Variants in LIN9 observed in about 807,000 individuals in gnomAD.
The protein encoded by LIN9 is protein lin-9 homolog.
A neutral mutation model predicts 78.0 loss-of-function variants in LIN9; 18 were observed. That is an observed-to-expected ratio of 0.23 (90% CI 0.16 to 0.34). The LOEUF is 0.34. Ranked by LOEUF, LIN9 falls within the 10% of genes least tolerant of loss-of-function variation. LIN9 has a pLI of 1.00. For synonymous variants in LIN9, 192 were observed against 215.2 expected (o/e 0.89, Z 0.94); for missense variants, 451 against 644.1 (o/e 0.70, Z 3.25).
chr1:226,303,386 G>A (rs543891897), intron 1 of LIN9, among the ~76,000 whole-genome samples: 4 of 152,034 alleles, frequency 2.6e-5, no homozygotes, highest in African/African-American at 9.6e-5. Context: ...AAATAAAGCA[G>A]AAGAAGAAGA....
intron 1 of LIN9, among the ~76,000 whole-genome samples, chr1:226,306,582 T>C (rs939046343): frequency 2.0e-5 from 3 of 152,166 alleles, no homozygotes; most frequent in Admixed American, 2.0e-4. Context: ...TTTCCTTATA[T>C]AAAATGTGAG....
At chr1:226,247,241 T>G (rs1658540570) in intron 11 of LIN9, among the ~76,000 whole-genome samples, 1 of 152,138 alleles carries the variant, frequency 6.6e-6, no homozygotes, top group African/African-American at 2.4e-5. Context: ...GTCTCATCTC[T>G]TTTAACAAAT....
intron 1 of LIN9, among the ~76,000 whole-genome samples, chr1:226,302,514 T>G (rs1252779425): frequency 7.2e-6 from 1 of 138,654 alleles, no homozygotes; most frequent in Non-Finnish European, 1.5e-5. Flanking sequence ...CTGCACTCCA[T>G]CCAGCCTGGG....
chr1:226,295,742 A>G, intron 4 of LIN9, 100 bp downstream of exon 4: 1 of 705,194 alleles, frequency 1.4e-6, no homozygotes, highest in Non-Finnish European at 2.4e-6. Flanking sequence ...ATTTAAAGAA[A>G]AGAACTTGTT....
intron 11 of LIN9, among the ~76,000 whole-genome samples, chr1:226,244,103 T>C (rs1262606334): frequency 6.7e-6 from 1 of 148,694 alleles, no homozygotes; most frequent in Non-Finnish European, 1.5e-5. Flanking sequence ...CTCGAACTCC[T>C]GACCTCAAGT....
chr1:226,237,548 C>CT (rs1211479161), intron 12 of LIN9, among the ~76,000 whole-genome samples: 1 of 149,800 alleles, frequency 6.7e-6, no homozygotes, highest in Admixed American at 6.8e-5. Context: ...AGGAGAATCA[C>CT]TTGAACCTGG....
intron 8 of LIN9, among the ~76,000 whole-genome samples, chr1:226,267,176 T>C (rs891521482): frequency 6.6e-6 from 1 of 151,278 alleles, no homozygotes; most frequent in African/African-American, 2.4e-5. Flanking sequence ...TCTAATTTTC[T>C]TTCTCTCCTA....
rs1336410545 is a variant in LIN9 at position 226,231,439 on chromosome 1, A to G, written c.*1062T>C. 1 of 152,528 alleles carries G rather than the reference A, an allele frequency of 6.6e-6. No homozygotes were observed. The highest frequency in any genetic ancestry group is 2.4e-5 in the African/African-American group (1 of 41,442). 9.4% of individuals were successfully genotyped at this position (152,528 alleles called of 1,614,324 possible). A position where few individuals can be genotyped will look rare whatever the true frequency, so the allele number is the denominator to read the frequency against. On this transcript the variant is annotated 3_prime_UTR_variant, in exon 15 of 15. Transcript: ENST00000681046. ...CCTCTACAGCTATATCTTAAACTCC[A>G]AATTTGAAAAAAATTTATATTTTGA...
In LIN9 at chr1:226,238,879, A is replaced by T. The variant is rs1657914896; in HGVS notation, c.1245+92T>A. 1.3e-5 allele frequency: 16 copies of T among 1,269,100 alleles called. No homozygotes were observed. The South Asian group carries it at 2.1e-4, about 17-fold the overall frequency. The allele number at this position is 1,269,100 out of a possible 1,614,324, so 78.6% of individuals were successfully genotyped here. ...AGTTCTGCTAAAGGACTTTATGAAG[A>T]TATTGGCTTGGTATGGATTTTCTAA... On this transcript the variant is annotated intron_variant, in intron 12 of 14. Coordinates refer to ENST00000681046, the MANE Select transcript of LIN9 (RefSeq NM_001366245.2).
At chr1:226,240,817 T>G (rs574885394) in intron 11 of LIN9, among the ~76,000 whole-genome samples, 35 of 152,322 alleles carry the variant, frequency 2.3e-4, no homozygotes, top group African/African-American at 6.5e-4. Context: ...CCCAAGTAGC[T>G]TGGACTACAG....
At chr1:226,287,278 T>TA (rs1661432139) in intron 5 of LIN9, among the ~76,000 whole-genome samples, 1 of 152,220 alleles carries the variant, frequency 6.6e-6, no homozygotes, top group Admixed American at 6.5e-5. Flanking sequence ...ACTACCCTCT[T>TA]AAAAATCTTA....
chr1:226,282,487 A>T (rs1661128415), intron 6 of LIN9, among the ~76,000 whole-genome samples: 1 of 152,128 alleles, frequency 6.6e-6, no homozygotes, highest in Non-Finnish European at 1.5e-5. Flanking sequence ...CTAACCCAAC[A>T]CATTAAAACC....
intron 13 of LIN9, 43 bp downstream of exon 13, chr1:226,233,301 T>C: frequency 2.6e-6 from 4 of 1,558,602 alleles, no homozygotes; most frequent in Non-Finnish European, 3.5e-6. Flanking sequence ...TTAGCGTGGG[T>C]TGCTTTGTGT....
intron 11 of LIN9, among the ~76,000 whole-genome samples, chr1:226,244,151 C>T (rs981899161): frequency 2.0e-5 from 3 of 147,584 alleles, no homozygotes; most frequent in African/African-American, 7.4e-5. Context: ...GCTGGGATTA[C>T]AGGCGTGAGC....
rs868092859 is a variant in LIN9, at chr1:226,253,558, G to C, written c.1039-2639C>G. On this transcript the variant is annotated intron_variant, in intron 10 of 14. Transcript: ENST00000681046. ...GATCCATTAGCCTCAGCCTCCCAAA[G>C]TGCTGGGATTACATACAGGCATAAG... Among the ~76,000 whole-genome samples the C allele has an allele frequency of 1.3e-5, 2 of 151,612 alleles. 1 individual carries two copies. The highest frequency in any genetic ancestry group is 4.2e-4 in the South Asian group (2 of 4,766).
intron 10 of LIN9, among the ~76,000 whole-genome samples, chr1:226,264,705 C>A (rs1194842721): frequency 1.3e-5 from 2 of 151,860 alleles, no homozygotes; most frequent in African/African-American, 2.4e-5. Context: ...AAAAATTAGC[C>A]GGGCATAGTG....
intron 2 of LIN9, 39 bp from the exon 3 acceptor site, chr1:226,297,852 G>T: frequency 8.3e-7 from 1 of 1,207,192 alleles, no homozygotes; most frequent in Non-Finnish European, 1.1e-6. Context: ...TTTTGGCTTA[G>T]TTCAAAGGAT....
At position 226,232,262 on chromosome 1, in the gene LIN9, A is replaced by G; in HGVS notation, c.*239T>C. Reference sequence around the variant, plus strand: ...TATTTCAGTTTAAAAATATTTGTGAATATAAACATATGTAACATAAGCAAT... The same window carrying G: ...TATTTCAGTTTAAAAATATTTGTGAGTATAAACATATGTAACATAAGCAAT... On this transcript the variant is annotated 3_prime_UTR_variant, in exon 15 of 15. Coordinates refer to ENST00000681046, the MANE Select transcript of LIN9 (RefSeq NM_001366245.2). 1 of 404,162 alleles carries G rather than the reference A, an allele frequency of 2.5e-6. No individual in the cohort carries two copies. 25.0% of individuals were successfully genotyped at this position (404,162 alleles called of 1,614,324 possible).
chr1:226,232,188 TA>T lies in LIN9; in HGVS notation c.*312del, dbSNP rs1010891706. Reference sequence around the variant, plus strand: ...TGTGTTGCGGTGAATTCATGCACATTAAAAAAAATGGTCAATGTATTCTTCC... The same window carrying T: ...TGTGTTGCGGTGAATTCATGCACATTAAAAAAATGGTCAATGTATTCTTCC... On this transcript the variant is annotated 3_prime_UTR_variant, in exon 15 of 15. Transcript: ENST00000681046. The T allele has an allele frequency of 3.0e-5, 12 of 398,634 alleles. No homozygotes were observed. The highest frequency in any genetic ancestry group is 2.5e-4 in the South Asian group (2 of 8,000). The allele number at this position is 398,634 out of a possible 1,614,324, so 24.7% of individuals were successfully genotyped here. A position where few individuals can be genotyped will look rare whatever the true frequency, so the allele number is the denominator to read the frequency against.
Sources: allele counts gnomAD v4.1 joint callset (sites outside exome capture counted in the v4.1 genomes callset), GRCh38; gene constraint gnomAD v4.1.1; transcripts MANE v1.5; gene names NCBI Gene and HGNC (gene_info 2026-07-23, HGNC 2026-07-21).